FOXO1: variants seen among roughly 807,000 people sequenced by gnomAD.
The protein encoded by FOXO1 is forkhead box O1.
In FOXO1, 6 loss-of-function variants were observed where a neutral mutation model predicts 44.1. The observed-to-expected ratio is 0.14, with a 90% CI of 0.07 to 0.27. The LOEUF (loss-of-function observed/expected upper bound fraction) is 0.27, where lower values mean the gene tolerates loss of function less well. FOXO1 is among the 10% of genes least tolerant of loss of function. FOXO1 has a pLI of 1.00. For missense variants in FOXO1, 737 were observed against 888.8 expected (o/e 0.83, Z 2.17); for synonymous variants, 380 against 362.7 (o/e 1.05, Z -0.54).
At chr13:40,600,919 TTCCTC>T (rs1307955707) in intron 1 of FOXO1, among the ~76,000 whole-genome samples, 1 of 152,188 alleles carries the variant, frequency 6.6e-6, no homozygotes, top group Non-Finnish European at 1.5e-5. Flanking sequence ...ACAGGGGTCT[TTCCTC>T]AAGCAATCTA....
chr13:40,575,042 A>T (rs1269729068), intron 1 of FOXO1, among the ~76,000 whole-genome samples: 1 of 152,122 alleles, frequency 6.6e-6, no homozygotes, highest in Non-Finnish European at 1.5e-5. Flanking sequence ...CTTTAAAAGG[A>T]CCATTTGGGC....
intron 1 of FOXO1, among the ~76,000 whole-genome samples, chr13:40,601,389 A>G (rs892363241): frequency 1.3e-5 from 2 of 152,234 alleles, no homozygotes; most frequent in East Asian, 3.8e-4. Context: ...AGCTTTATAC[A>G]TACATTAACC....
intron 1 of FOXO1, among the ~76,000 whole-genome samples, chr13:40,647,292 A>T (rs1349832613): frequency 6.6e-6 from 1 of 152,204 alleles, no homozygotes; most frequent in Non-Finnish European, 1.5e-5. Context: ...ATACAATATA[A>T]GCTTCAATCA....
chr13:40,604,919 A>G (rs961731857), intron 1 of FOXO1, among the ~76,000 whole-genome samples: 13 of 152,164 alleles, frequency 8.5e-5, no homozygotes, highest in Admixed American at 2.6e-4. Context: ...AGCCTCAGGA[A>G]TGCAGATTTT....
intron 1 of FOXO1, among the ~76,000 whole-genome samples, chr13:40,580,581 C>G (rs1375662802): frequency 6.6e-6 from 1 of 152,100 alleles, no homozygotes; most frequent in Non-Finnish European, 1.5e-5. Flanking sequence ...GATAATCCTA[C>G]AAAGCACTTA....
intron 1 of FOXO1, among the ~76,000 whole-genome samples, chr13:40,653,777 A>G (rs886372631): frequency 6.6e-6 from 1 of 152,184 alleles, no homozygotes; most frequent in Non-Finnish European, 1.5e-5. Flanking sequence ...CTCACCAGTA[A>G]GTACTTTGTA....
intron 1 of FOXO1, among the ~76,000 whole-genome samples, chr13:40,648,124 CTCAG>C (rs1284266647): frequency 2.0e-5 from 3 of 152,064 alleles, no homozygotes; most frequent in Non-Finnish European, 4.4e-5. Flanking sequence ...TAATTATTGG[CTCAG>C]TCAAAGAACC....
At chr13:40,647,812 C>T (rs1317003807) in intron 1 of FOXO1, among the ~76,000 whole-genome samples, 1 of 152,200 alleles carries the variant, frequency 6.6e-6, no homozygotes, top group Non-Finnish European at 1.5e-5. Flanking sequence ...GAGCATCCTT[C>T]ACTGGCTGGA....
chr13:40,578,542 C>A (rs1205483768), intron 1 of FOXO1, among the ~76,000 whole-genome samples: 1 of 152,184 alleles, frequency 6.6e-6, no homozygotes, highest in Non-Finnish European at 1.5e-5. Context: ...CTCTTCCCTG[C>A]AAGTTCCCTG....
intron 1 of FOXO1, chr13:40,620,996 C>T (rs1876595129): frequency 6.0e-6 from 1 of 166,064 alleles, no homozygotes; most frequent in Admixed American, 6.4e-5. Flanking sequence ...TGGGGTTTCA[C>T]CATGTTGGCC....
intron 1 of FOXO1, among the ~76,000 whole-genome samples, chr13:40,600,338 A>G (rs993889877): frequency 6.6e-5 from 10 of 152,218 alleles, no homozygotes; most frequent in Admixed American, 1.3e-4. Context: ...TCAAGGTGAC[A>G]GGCTGAACCA....
chr13:40,654,527 A>C (rs903233844), intron 1 of FOXO1, among the ~76,000 whole-genome samples: 3 of 151,422 alleles, frequency 2.0e-5, no homozygotes, highest in Non-Finnish European at 2.9e-5. Flanking sequence ...AAGAAAAAGA[A>C]AAAGACAAAC....
chr13:40,613,559 G>GGTA (rs1270590556), intron 1 of FOXO1, among the ~76,000 whole-genome samples: 1 of 152,148 alleles, frequency 6.6e-6, no homozygotes, highest in Non-Finnish European at 1.5e-5. Flanking sequence ...TAATCTAGAT[G>GGTA]GTAGTTTCTC....
chr13:40,584,350 A>T (rs975910527), intron 1 of FOXO1, among the ~76,000 whole-genome samples: 4 of 151,702 alleles, frequency 2.6e-5, no homozygotes, highest in African/African-American at 9.7e-5. Context: ...GGGGCTGGGC[A>T]TGGTGGCTCA....
In FOXO1 at chr13:40,665,794, G is replaced by A. The variant is rs757286089; in HGVS notation, c.419C>T (p.Ala140Val). The A allele has an allele frequency of 2.4e-6, 3 of 1,250,642 alleles. No individual in the cohort carries two copies. The highest frequency in any genetic ancestry group is 3.0e-6 in the Non-Finnish European group (3 of 990,914). The allele number at this position is 1,250,642 out of a possible 1,614,324, so 77.5% of individuals were successfully genotyped here. ...CTGCCCCGCGAGCGGCCCAGCGGCG[G>A]CGGGGGGCACCGGCGGGTGCTGCGA... ...PLSQHPPVPP[A>V]AAGPLAGQPR... Residue 140 changes from alanine to valine, a missense_variant, in exon 1 of 3, where the codon GCC (alanine) becomes GTC (valine). By Grantham distance (64) the Ala-to-Val change is moderately conservative (BLOSUM62 0). Around this residue, in one of 7 missense-constraint regions of FOXO1, gnomAD observed 213 missense variants for 236.4 expected, o/e 0.90. Coordinates refer to ENST00000379561, the MANE Select transcript of FOXO1 (RefSeq NM_002015.4).
chr13:40,600,366 C>CG (rs1254851439), intron 1 of FOXO1, among the ~76,000 whole-genome samples: 2 of 152,172 alleles, frequency 1.3e-5, no homozygotes, highest in African/African-American at 4.8e-5. Flanking sequence ...GGCATCACCA[C>CG]GGAAGTGCAC....
chr13:40,615,960 G>T (rs1035025415), intron 1 of FOXO1, among the ~76,000 whole-genome samples: 3 of 152,226 alleles, frequency 2.0e-5, no homozygotes, highest in Non-Finnish European at 4.4e-5. Flanking sequence ...CTGAGTACAG[G>T]CTGCAAGAGA....
At position 40,665,985 on chromosome 13, in the gene FOXO1, C is replaced by T. The variant is rs1878232689; in HGVS notation, c.228G>A (p.Leu76=). ...VSADFMSNLS[L]LEESEDFPQA... ...GCGGGAAGTCCTCGCTCTCCTCCAG[C>T]AAGCTCAGGTTGCTCATGAAGTCGG... Residue 76 remains leucine, a synonymous_variant, in exon 1 of 3, where the codon TTG becomes TTA. Coordinates refer to ENST00000379561, the MANE Select transcript of FOXO1 (RefSeq NM_002015.4). 8.0e-7 allele frequency: 1 copy of T among 1,248,474 alleles called. No individual in the cohort carries two copies. The highest frequency in any genetic ancestry group is 4.3e-5 in the Admixed American group (1 of 23,438). The allele number at this position is 1,248,474 out of a possible 1,614,324, so 77.3% of individuals were successfully genotyped here.
At chr13:40,634,866 T>C (rs1366689320) in intron 1 of FOXO1, among the ~76,000 whole-genome samples, 2 of 151,974 alleles carry the variant, frequency 1.3e-5, no homozygotes, top group African/African-American at 4.8e-5. Flanking sequence ...TTAGTAGAGA[T>C]AGGGTTTCAC....
Sources: allele counts gnomAD v4.1 joint callset (sites outside exome capture counted in the v4.1 genomes callset), GRCh38; gene constraint gnomAD v4.1.1; regional missense constraint gnomAD v4.1.1; transcripts MANE v1.5; gene names NCBI Gene and HGNC (gene_info 2026-07-23, HGNC 2026-07-21).